LRP1B: variants seen among roughly 807,000 people sequenced by gnomAD.
LRP1B encodes low-density lipoprotein receptor-related protein 1B.
In LRP1B, 217 loss-of-function variants were observed where a neutral mutation model predicts 556.6. The ratio of observed to expected loss-of-function variants is 0.39; its 90% CI spans 0.35 to 0.44. The LOEUF (loss-of-function observed/expected upper bound fraction) is 0.44. LRP1B is among the 20% of genes least tolerant of loss of function. The pLI, the probability that LRP1B is intolerant of heterozygous loss-of-function variation, is 1.00. For missense variants in LRP1B, 5,053 were observed against 5,620.8 expected, an observed-to-expected ratio of 0.90 and a Z score of 3.23; for synonymous variants, 2,047 against 1,865.8, an observed-to-expected ratio of 1.10 and a Z score of -2.50.
In LRP1B at chr2:140,592,277, T is replaced by C. The variant is rs1053341480; in HGVS notation, c.7194+6354A>G. ...TCTAATAGAGAGTTAAGAACCATAA[T>C]TGGCATTAAATATTAGACATAGTAA... On this transcript the variant is annotated intron_variant, in intron 43 of 90. Transcript: ENST00000389484. Among the ~76,000 whole-genome samples, 30 of 152,264 alleles carry C rather than the reference T, an allele frequency of 2.0e-4. 1 individual carries two copies. Among genetic ancestry groups the C allele is most frequent in the African/African-American group, 6.3e-4 (26 of 41,562 alleles).
chr2:142,108,326 T>C (rs1417607786), intron 1 of LRP1B, among the ~76,000 whole-genome samples: 2 of 152,154 alleles, frequency 1.3e-5, no homozygotes, highest in South Asian at 2.1e-4. Flanking sequence ...CCATGGGAAA[T>C]AGCAATCCAA....
At chr2:140,750,114 A>G (rs1344256248) in intron 35 of LRP1B, among the ~76,000 whole-genome samples, 2 of 145,582 alleles carry the variant, frequency 1.4e-5, no homozygotes, top group African/African-American at 5.1e-5. Context: ...ACACACACAC[A>G]TTTCAGTACA....
At chr2:141,987,550 T>TTG (rs1702229182) in intron 1 of LRP1B, among the ~76,000 whole-genome samples, 1 of 4,340 alleles carries the variant, frequency 2.3e-4, no homozygotes, top group Non-Finnish European at 6.3e-4. Context: ...ATTTAAGCTG[T>TTG]TTTTTTTTTT....
At chr2:141,351,550 A>G (rs1688443263) in intron 3 of LRP1B, among the ~76,000 whole-genome samples, 1 of 152,022 alleles carries the variant, frequency 6.6e-6, no homozygotes, top group African/African-American at 2.4e-5. Flanking sequence ...GACGACCAGA[A>G]TCCATTGTGT....
chr2:141,545,664 T>C (rs1685524939), intron 2 of LRP1B, among the ~76,000 whole-genome samples: 1 of 151,978 alleles, frequency 6.6e-6, no homozygotes, highest in Non-Finnish European at 1.5e-5. Context: ...GGAAACATAG[T>C]GAGAGCCAAT....
intron 1 of LRP1B, among the ~76,000 whole-genome samples, chr2:141,990,855 C>T (rs559505316): frequency 2.0e-5 from 3 of 152,084 alleles, no homozygotes; most frequent in Admixed American, 6.6e-5. Context: ...AATAATAGCA[C>T]ATTTTAGACT....
intron 1 of LRP1B, among the ~76,000 whole-genome samples, chr2:142,076,538 C>G (rs1435079433): frequency 6.6e-6 from 1 of 152,040 alleles, no homozygotes; most frequent in Non-Finnish European, 1.5e-5. Context: ...TTTCATGGGT[C>G]GTTCAAGTGT....
In LRP1B at chr2:141,805,080, A is replaced by G. The variant is rs116577055; in HGVS notation, c.205+5199T>C. Among the ~76,000 whole-genome samples, 478 of 152,208 alleles carry G rather than the reference A, an allele frequency of 3.1e-3. 2 individuals are homozygous for G. Among genetic ancestry groups the G allele is most frequent in the African/African-American group, 0.011 (455 of 41,550 alleles). On this transcript the variant is annotated intron_variant, in intron 2 of 90. Coordinates refer to ENST00000389484, the MANE Select transcript of LRP1B (RefSeq NM_018557.3). ...GCAAAAGGTCTTGTTGACAATACTC[A>G]TTGCCCCATGCCCCATATAACCCAT...
At chr2:141,750,133 A>G (rs1168840410) in intron 2 of LRP1B, among the ~76,000 whole-genome samples, 1 of 152,144 alleles carries the variant, frequency 6.6e-6, no homozygotes, top group African/African-American at 2.4e-5. Context: ...CAGTAGAGAT[A>G]TATAGTGTTA....
rs553990923 is a variant in LRP1B at position 141,353,099 on chromosome 2, C to T, written c.344-98458G>A. ...GTGAGTCATGTCATAAGTCAAAACACGACTTCATTTTCTTTTTCTTGTGGA... is the reference window on the plus strand; with the variant it reads ...GTGAGTCATGTCATAAGTCAAAACATGACTTCATTTTCTTTTTCTTGTGGA... On this transcript the variant is annotated intron_variant, in intron 3 of 90. Transcript: ENST00000389484. Among the ~76,000 whole-genome samples the T allele has an allele frequency of 3.9e-5, 6 of 151,960 alleles. No homozygotes were observed. The South Asian group carries it at 6.2e-4, about 16-fold the overall frequency.
intron 2 of LRP1B, among the ~76,000 whole-genome samples, chr2:141,792,424 C>A (rs78031901): frequency 0.022 from 3,408 of 151,976 alleles, 130 homozygotes; most frequent in African/African-American, 0.079. Flanking sequence ...GTGGACCCTG[C>A]ATTTATGTTA....
At chr2:140,559,748 A>C (rs1680862851) in intron 43 of LRP1B, among the ~76,000 whole-genome samples, 1 of 130,816 alleles carries the variant, frequency 7.6e-6, no homozygotes, top group Non-Finnish European at 1.6e-5. Context: ...TTCCACACTG[A>C]CATAAATAAT....
At chr2:142,042,378 C>T (rs887973845) in intron 1 of LRP1B, among the ~76,000 whole-genome samples, 12 of 151,268 alleles carry the variant, frequency 7.9e-5, no homozygotes, top group African/African-American at 1.2e-4. Flanking sequence ...CTAATTAGGA[C>T]GGAAAGTTGA....
At chr2:141,758,412 G>A (rs1694400960) in intron 2 of LRP1B, among the ~76,000 whole-genome samples, 1 of 151,948 alleles carries the variant, frequency 6.6e-6, no homozygotes, top group African/African-American at 2.4e-5. Flanking sequence ...TAAATCTTAA[G>A]TTCTGCATGA....
At chr2:142,128,086 AAACT>A (rs1448282270) in intron 1 of LRP1B, among the ~76,000 whole-genome samples, 1 of 152,142 alleles carries the variant, frequency 6.6e-6, no homozygotes, top group Admixed American at 6.6e-5. Context: ...GAATCAATAT[AAACT>A]AATAAAATAA....
rs60102985 is a variant in LRP1B, at chr2:141,336,114, C to CAAAAAA, written c.344-81479_344-81474dup. Among the ~76,000 whole-genome samples the CAAAAAA allele has an allele frequency of 6.2e-3, 581 of 92,962 alleles. 12 individuals are homozygous for CAAAAAA. Among genetic ancestry groups the CAAAAAA allele is most frequent in the African/African-American group, 0.025 (559 of 22,762 alleles). 61.0% of individuals were successfully genotyped at this position (92,962 alleles called of 152,430 possible). On this transcript the variant is annotated intron_variant, in intron 3 of 90. Coordinates refer to ENST00000389484, the MANE Select transcript of LRP1B (RefSeq NM_018557.3). The stretch of plus-strand genomic sequence containing the variant: ...TATAATGAAATATCCCAGACCTGTC[C>CAAAAAA]AAAAAAAAAAAAAAAAAGCAAATAA...
chr2:140,933,946 G>A (rs762271634), intron 20 of LRP1B, among the ~76,000 whole-genome samples: 25 of 122,174 alleles, frequency 2.0e-4, no homozygotes, highest in African/African-American at 3.1e-4. Flanking sequence ...CCTTTAAAGC[G>A]TTATTTTGTC....
chr2:141,199,339 GC>G (rs1214048821), intron 6 of LRP1B, among the ~76,000 whole-genome samples: 4 of 152,070 alleles, frequency 2.6e-5, no homozygotes, highest in African/African-American at 9.7e-5. Flanking sequence ...GGCTCAGTGG[GC>G]TTTTATTTGT....
chr2:141,396,875 C>A (rs1280637279), intron 3 of LRP1B, among the ~76,000 whole-genome samples: 2 of 151,914 alleles, frequency 1.3e-5, no homozygotes, highest in African/African-American at 4.8e-5. Context: ...GTAATCCCAG[C>A]ACTTTGGGAG....
Sources: gnomAD v4.1 joint callset for allele counts (sites outside exome capture counted in the v4.1 genomes callset) on GRCh38, gnomAD v4.1.1 for gene constraint, MANE v1.5 for transcripts, NCBI Gene and HGNC (gene_info 2026-07-23, HGNC 2026-07-21) for gene names.